Variants in TPD52 observed in about 807,000 individuals in gnomAD.
TPD52 encodes the protein prostate and colon associated protein.
In TPD52, 17 loss-of-function variants were observed where a neutral mutation model predicts 31.3. That is an observed-to-expected ratio of 0.54 (90% CI 0.37 to 0.82). TPD52 has a LOEUF of 0.82. Ranked by LOEUF, TPD52 falls within the 40% of genes least tolerant of loss-of-function variation. TPD52 has a pLI of 0.00. For missense variants in TPD52, 212 were observed against 240.1 expected, an observed-to-expected ratio of 0.88 and a Z score of 0.77; for synonymous variants, 83 against 89.6, an observed-to-expected ratio of 0.93 and a Z score of 0.42.
At chr8:80,134,448 A>G (rs953621517) in intron 1 of TPD52, among the ~76,000 whole-genome samples, 3 of 152,222 alleles carry the variant, frequency 2.0e-5, no homozygotes, top group Non-Finnish European at 4.4e-5. Flanking sequence ...TAGGCATGAC[A>G]TTAATTATTA....
At chr8:80,107,210 G>T (rs764007201) in intron 1 of TPD52, among the ~76,000 whole-genome samples, 1 of 152,172 alleles carries the variant, frequency 6.6e-6, no homozygotes, top group Non-Finnish European at 1.5e-5. Context: ...AACCAGACCT[G>T]CAGACAAAAG....
intron 5 of TPD52, among the ~76,000 whole-genome samples, chr8:80,045,128 T>C (rs1264834708): frequency 6.6e-6 from 1 of 152,228 alleles, no homozygotes; most frequent in Non-Finnish European, 1.5e-5. Flanking sequence ...AAAAGATGCA[T>C]GTAACTCAGT....
At chr8:80,049,908 G>A (rs894891520) in intron 5 of TPD52, among the ~76,000 whole-genome samples, 3 of 151,994 alleles carry the variant, frequency 2.0e-5, no homozygotes, top group Non-Finnish European at 1.5e-5. Flanking sequence ...AGTAAAACAA[G>A]TATTAAAAAG....
intron 1 of TPD52, among the ~76,000 whole-genome samples, chr8:80,095,247 T>C (rs1274239942): frequency 1.3e-4 from 20 of 152,182 alleles, no homozygotes; most frequent in Admixed American, 1.3e-3. Flanking sequence ...AAATGCATAT[T>C]ATTGACAAAA....
chr8:80,089,331 C>T (rs73261855), intron 1 of TPD52, among the ~76,000 whole-genome samples: 11,473 of 151,982 alleles, frequency 0.075, 1,133 homozygotes, highest in African/African-American at 0.23. Context: ...GGACAGTGAC[C>T]GCATTAATGA....
At chr8:80,141,422 C>T (rs1428048824) in intron 1 of TPD52, among the ~76,000 whole-genome samples, 1 of 152,184 alleles carries the variant, frequency 6.6e-6, no homozygotes, top group Non-Finnish European at 1.5e-5. Flanking sequence ...ACGTTGTGAA[C>T]AGCCTTATGG....
intron 1 of TPD52, among the ~76,000 whole-genome samples, chr8:80,103,951 G>C (rs1806920275): frequency 6.6e-6 from 1 of 152,230 alleles, no homozygotes; most frequent in Admixed American, 6.5e-5. Context: ...AAGAGTGTAT[G>C]TGTATTGCTT....
intron 1 of TPD52, among the ~76,000 whole-genome samples, chr8:80,126,384 T>G (rs1485728599): frequency 6.6e-6 from 1 of 151,046 alleles, no homozygotes; most frequent in Non-Finnish European, 1.5e-5. Context: ...TTTGCAAACA[T>G]TCTCTGTTCA....
intron 5 of TPD52, among the ~76,000 whole-genome samples, chr8:80,049,747 TTTC>T (rs1487613514): frequency 1.3e-5 from 2 of 152,232 alleles, no homozygotes; most frequent in Non-Finnish European, 2.9e-5. Flanking sequence ...ACAAAGTCTC[TTTC>T]TATAAGGCAT....
At chr8:80,148,635 G>A (rs1269451663) in intron 1 of TPD52, among the ~76,000 whole-genome samples, 2 of 152,014 alleles carry the variant, frequency 1.3e-5, no homozygotes, top group Non-Finnish European at 2.9e-5. Flanking sequence ...TCTGTAACAA[G>A]CACTCTTCAG....
At chr8:80,033,892 G>A (rs1336263443), downstream of TPD52, among the ~76,000 whole-genome samples, 3 of 152,064 alleles carry the variant, frequency 2.0e-5, no homozygotes, top group Non-Finnish European at 2.9e-5. Flanking sequence ...TAGAGTTCTC[G>A]CTCTGGGTTG....
chr8:80,047,488 A>G (rs1198837599), intron 5 of TPD52, among the ~76,000 whole-genome samples: 1 of 152,184 alleles, frequency 6.6e-6, no homozygotes, highest in African/African-American at 2.4e-5. Flanking sequence ...TTCACATTGA[A>G]GCTTTCAAAT....
chr8:80,132,114 C>A (rs1401268080), intron 1 of TPD52, among the ~76,000 whole-genome samples: 1 of 151,556 alleles, frequency 6.6e-6, no homozygotes, highest in Non-Finnish European at 1.5e-5. Context: ...ACTGCAGTCT[C>A]AATCTCCTGG....
chr8:80,153,651 T>C (rs1810733724), intron 1 of TPD52, among the ~76,000 whole-genome samples: 1 of 152,350 alleles, frequency 6.6e-6, no homozygotes, highest in Admixed American at 6.5e-5. Flanking sequence ...TTTACATCTG[T>C]AACCAATTCA....
chr8:80,103,894 G>A (rs556615388), intron 1 of TPD52, among the ~76,000 whole-genome samples: 1 of 152,202 alleles, frequency 6.6e-6, no homozygotes, highest in Non-Finnish European at 1.5e-5. Flanking sequence ...TAAATCCAGA[G>A]TCTGGGACTC....
At chr8:80,052,708 A>G in intron 3 of TPD52, 1 of 1,273,484 alleles carries the variant, frequency 7.9e-7, no homozygotes, top group Non-Finnish European at 1.0e-6. Flanking sequence ...CATTATGATA[A>G]TGCTATATCA....
chr8:80,129,734 C>G (rs1025737074), intron 1 of TPD52, among the ~76,000 whole-genome samples: 2 of 141,030 alleles, frequency 1.4e-5, no homozygotes, highest in Non-Finnish European at 3.0e-5. Flanking sequence ...GACGGAGTCT[C>G]CATCACCCAG....
intron 2 of TPD52, among the ~76,000 whole-genome samples, chr8:80,055,442 C>A (rs963827287): frequency 1.3e-5 from 2 of 152,060 alleles, no homozygotes; most frequent in Admixed American, 6.6e-5. Context: ...GACTAAGGAC[C>A]CAAAACCATA....
Position 80,111,217 on chromosome 8 carries a change from A to T in TPD52, c.20-46624T>A, listed in dbSNP as rs188657588. ...ACAGAGCAAGAGCCTGTCTCTAAAA[A>T]TAAAAATAAAAAATAAAAATAAATG... On this transcript the variant is annotated intron_variant, in intron 1 of 7. Transcript: ENST00000518937. Among the ~76,000 whole-genome samples the T allele has an allele frequency of 4.9e-3, 745 of 151,530 alleles. 6 individuals are homozygous for T. Among genetic ancestry groups the T allele is most frequent in the African/African-American group, 0.016 (671 of 40,832 alleles).
Sources: gnomAD v4.1 joint callset for allele counts (sites outside exome capture counted in the v4.1 genomes callset) on GRCh38, gnomAD v4.1.1 for gene constraint, MANE v1.5 for transcripts, NCBI Gene and HGNC (gene_info 2026-07-23, HGNC 2026-07-21) for gene names.